The following ABHD13 variants were observed in gnomAD, a reference collection of about 807,000 sequenced individuals.
The protein encoded by ABHD13 is protein ABHD13.
ABHD13 carries 7 observed loss-of-function variants against 25.2 expected under a neutral mutation model. The ratio of observed to expected loss-of-function variants is 0.28; its 90% confidence interval spans 0.16 to 0.52. The LOEUF is 0.52. Ranked by LOEUF, ABHD13 falls within the 20% of genes least tolerant of loss-of-function variation. ABHD13 has a pLI of 0.96. For synonymous variants in ABHD13, 133 were observed against 136.1 expected (o/e 0.98, Z 0.16); for missense variants, 302 against 402.7 (o/e 0.75, Z 2.14).
At chr13:108,228,608 A>G (rs756999526) in intron 1 of ABHD13, among the ~76,000 whole-genome samples, 10 of 149,488 alleles carry the variant, frequency 6.7e-5, no homozygotes, top group South Asian at 2.1e-4. Context: ...TTTTTGTTTT[A>G]TTTTGTTTTG....
Position 108,229,740 on chromosome 13 carries a change from C to T in ABHD13, c.522C>T (p.Asp174=), listed in dbSNP as rs1879755059. Residue 174 remains aspartate (D), a synonymous_variant, in exon 2 of 2, where the codon GAC becomes GAT. Coordinates refer to ENST00000375898, the MANE Select transcript of ABHD13 (RefSeq NM_032859.3). This position sits in a 1 kb window ranked among gnomAD's most constrained non-coding sequence, Gnocchi z 4.7. ...GLYLDSEAVL[D]YVMTRPDLDK... is the part of the protein sequence containing the mutation. ...ACTTAGATTCTGAAGCTGTGTTAGA[C>T]TACGTGATGACTAGACCTGACCTTG... The T allele has an allele frequency of 2.5e-6, 4 of 1,613,372 alleles. No individual in the cohort carries two copies. The highest frequency in any genetic ancestry group is 2.2e-5 in the East Asian group (1 of 44,860).
Position 108,233,756 on chromosome 13 carries a change from G to A in ABHD13, c.*3524G>A, listed in dbSNP as rs1594495632. 1 of 166,652 alleles carries A rather than the reference G, an allele frequency of 6.0e-6. No individual in the cohort carries two copies. The highest frequency in any genetic ancestry group is 2.4e-5 in the African/African-American group (1 of 41,352). The allele number at this position is 166,652 out of a possible 1,614,324, so 10.3% of individuals were successfully genotyped here. On this transcript the variant is annotated 3_prime_UTR_variant, in exon 2 of 2. Coordinates refer to ENST00000375898, the MANE Select transcript of ABHD13 (RefSeq NM_032859.3). Reference sequence around the variant, plus strand: ...CAAATTGGAAATAATATATTCATTTGTATGGCAAGATAAATGCAGTCATCT... The same window carrying A: ...CAAATTGGAAATAATATATTCATTTATATGGCAAGATAAATGCAGTCATCT...
intron 1 of ABHD13, among the ~76,000 whole-genome samples, chr13:108,223,948 G>A (rs186695265): frequency 6.6e-6 from 1 of 152,288 alleles, no homozygotes; most frequent in Admixed American, 6.5e-5. Flanking sequence ...AAAAATAAGT[G>A]TCACAGACAG....
rs1306766977 is a variant in ABHD13, at chr13:108,230,356, A to T, written c.*124A>T. 2 of 781,814 alleles carry T rather than the reference A, an allele frequency of 2.6e-6. No individual in the cohort carries two copies. The highest frequency in any genetic ancestry group is 3.3e-5 in the Admixed American group (1 of 30,280). The allele number at this position is 781,814 out of a possible 1,614,324, so 48.4% of individuals were successfully genotyped here. A position where few individuals can be genotyped will look rare whatever the true frequency, so the allele number is the denominator to read the frequency against. On this transcript the variant is annotated 3_prime_UTR_variant, in exon 2 of 2. Coordinates refer to ENST00000375898, the MANE Select transcript of ABHD13 (RefSeq NM_032859.3). ...TGACATTAAACTTTGAAAGGACTTC[A>T]CTGCTCCTTTACGATATTCCAAATA...
Position 108,230,285 on chromosome 13 carries a change from G to C in ABHD13, c.*53G>C. The C allele has an allele frequency of 7.0e-7, 1 of 1,419,484 alleles. No homozygotes were observed. Among genetic ancestry groups the C allele is most frequent in the South Asian group, 1.4e-5 (1 of 68,996 alleles). 87.9% of individuals were successfully genotyped at this position (1,419,484 alleles called of 1,614,324 possible). A position where few individuals can be genotyped will look rare whatever the true frequency, so the allele number is the denominator to read the frequency against. ...ATTTTAATTTGTGCAGAATGATAAA[G>C]AATGTTCCTTTTAGAAGTGTGTTAT... On this transcript the variant is annotated 3_prime_UTR_variant, in exon 2 of 2. Coordinates refer to ENST00000375898, the MANE Select transcript of ABHD13 (RefSeq NM_032859.3).
chr13:108,224,810 A>G (rs1203956856), intron 1 of ABHD13, among the ~76,000 whole-genome samples: 3 of 152,220 alleles, frequency 2.0e-5, no homozygotes, highest in African/African-American at 4.8e-5. Context: ...AATCCTCAAG[A>G]TGAGCACCAT....
At chr13:108,226,917 T>C (rs1209984658) in intron 1 of ABHD13, among the ~76,000 whole-genome samples, 1 of 152,066 alleles carries the variant, frequency 6.6e-6, no homozygotes, top group Non-Finnish European at 1.5e-5. Context: ...AATCCGTGAG[T>C]GGAGTTCTTA....
intron 1 of ABHD13, among the ~76,000 whole-genome samples, chr13:108,225,819 T>C (rs557380292): frequency 6.6e-6 from 1 of 152,312 alleles, no homozygotes; most frequent in Non-Finnish European, 1.5e-5. Context: ...AGTTATTGAT[T>C]ATCTACATTT....
In ABHD13 at chr13:108,233,937, A is replaced by G. The variant is rs1879866950; in HGVS notation, c.*3705A>G. 1 of 166,844 alleles carries G rather than the reference A, an allele frequency of 6.0e-6. No homozygotes were observed. Among genetic ancestry groups the G allele is most frequent in the African/African-American group, 2.4e-5 (1 of 41,452 alleles). 10.3% of individuals were successfully genotyped at this position (166,844 alleles called of 1,614,324 possible). A position where few individuals can be genotyped will look rare whatever the true frequency, so the allele number is the denominator to read the frequency against. On this transcript the variant is annotated 3_prime_UTR_variant, in exon 2 of 2. Coordinates refer to ENST00000375898, the MANE Select transcript of ABHD13 (RefSeq NM_032859.3). ...TGTAACAGGTGAGTGTGTGTTTAAC[A>G]TAATTTATAATTATTTCTGTCAGTA...
intron 1 of ABHD13, among the ~76,000 whole-genome samples, chr13:108,224,307 A>G (rs943515802): frequency 6.6e-6 from 1 of 152,174 alleles, no homozygotes; most frequent in Admixed American, 6.5e-5. Flanking sequence ...CAAGGACTGT[A>G]TAGTATACTA....
rs1879780697 is a variant in ABHD13, at chr13:108,230,501, A to G, written c.*269A>G. The G allele has an allele frequency of 7.4e-6, 2 of 270,854 alleles. No homozygotes were observed. The highest frequency in any genetic ancestry group is 4.5e-5 in the African/African-American group (2 of 44,462). The allele number at this position is 270,854 out of a possible 1,614,324, so 16.8% of individuals were successfully genotyped here. On this transcript the variant is annotated 3_prime_UTR_variant, in exon 2 of 2. Transcript: ENST00000375898. ...ATGTCAGTATAATAGATATTGTTCAAAAGTTTCTTGTTGCTAAAGTGGTGT... is the reference window on the plus strand; with the variant it reads ...ATGTCAGTATAATAGATATTGTTCAGAAGTTTCTTGTTGCTAAAGTGGTGT...
At chr13:108,219,100 C>G (rs1305091766) in intron 1 of ABHD13, among the ~76,000 whole-genome samples, 2 of 151,994 alleles carry the variant, frequency 1.3e-5, no homozygotes, top group Non-Finnish European at 2.9e-5. Context: ...CCCACACAGA[C>G]ATGAAAAGTA....
Position 108,230,451 on chromosome 13 carries a change from T to A in ABHD13, c.*219T>A, listed in dbSNP as rs1315386069. ...TTTTCATCAAAACTTTCAGTGTGAT[T>A]ATGTATTCATATCTTCAGTTTAATA... is the stretch of plus-strand genomic sequence containing the variant. On this transcript the variant is annotated 3_prime_UTR_variant, in exon 2 of 2. Transcript: ENST00000375898. 2.1e-6 allele frequency: 1 copy of A among 471,260 alleles called. No homozygotes were observed. 29.2% of individuals were successfully genotyped at this position (471,260 alleles called of 1,614,324 possible). A position where few individuals can be genotyped will look rare whatever the true frequency, so the allele number is the denominator to read the frequency against.
chr13:108,229,829 C>T lies in ABHD13; in HGVS notation c.611C>T (p.Ser204Phe). The change falls in exon 2 of 2, where the codon TCT (serine) becomes TTT (phenylalanine). Residue 204 changes from serine (S) to phenylalanine (F), a missense_variant. Physicochemically the swap from Ser to Phe is radical, Grantham distance 155 (BLOSUM62 -2). Transcript: ENST00000375898. The surrounding 1 kb of genome is among the most constrained non-coding windows in gnomAD (Gnocchi z 4.7). ...GGAGCAGTGGCTATTCATTTGGCTT[C>T]TGAAAATTCACATAGGATTTCAGCC... is the stretch of plus-strand genomic sequence containing the variant. ...LGGAVAIHLA[S>F]ENSHRISAIM... is the part of the protein sequence containing the mutation. 6.2e-7 allele frequency: 1 copy of T among 1,613,434 alleles called. No homozygotes were observed. The highest frequency in any genetic ancestry group is 8.5e-7 in the Non-Finnish European group (1 of 1,179,500).
intron 1 of ABHD13, among the ~76,000 whole-genome samples, chr13:108,227,968 A>C (rs1339307412): frequency 6.6e-6 from 1 of 152,102 alleles, no homozygotes; most frequent in African/African-American, 2.4e-5. Context: ...AATAGAAAAA[A>C]ATCAAATTTG....
chr13:108,233,050 G>T lies in ABHD13; in HGVS notation c.*2818G>T, dbSNP rs9670655. On this transcript the variant is annotated 3_prime_UTR_variant, in exon 2 of 2. Coordinates refer to ENST00000375898, the MANE Select transcript of ABHD13 (RefSeq NM_032859.3). ...GAGCACTTGCCATTGCAACAACCCT[G>T]TTTTTGCAATTAGGTTTTTGACTGT... is the stretch of plus-strand genomic sequence containing the variant. The T allele has an allele frequency of 0.021, 3,578 of 166,834 alleles. 98 individuals are homozygous for T. Among genetic ancestry groups the T allele is most frequent in the African/African-American group, 0.065 (2,678 of 41,492 alleles). 10.3% of individuals were successfully genotyped at this position (166,834 alleles called of 1,614,324 possible).
chr13:108,219,141 G>C (rs12428136), intron 1 of ABHD13, among the ~76,000 whole-genome samples: 1 of 152,052 alleles, frequency 6.6e-6, no homozygotes, highest in Non-Finnish European at 1.5e-5. Context: ...CTAGGTTGGA[G>C]AGAGGGAGAG....
intron 1 of ABHD13, among the ~76,000 whole-genome samples, chr13:108,228,515 G>A (rs1879719707): frequency 6.6e-6 from 1 of 151,636 alleles, no homozygotes; most frequent in Non-Finnish European, 1.5e-5. Context: ...AGAATCTAGT[G>A]TTTAAGCAAA....
chr13:108,224,859 T>C (rs768641740), intron 1 of ABHD13, among the ~76,000 whole-genome samples: 5 of 152,338 alleles, frequency 3.3e-5, no homozygotes, highest in Non-Finnish European at 7.4e-5. Flanking sequence ...ACTTATGTAG[T>C]ATAGCAGGAT....
Sources: gnomAD v4.1 joint callset for allele counts (sites outside exome capture counted in the v4.1 genomes callset) on GRCh38, gnomAD v4.1.1 for gene constraint, Gnocchi (gnomAD v3.1) non-coding constraint, MANE v1.5 for transcripts, NCBI Gene and HGNC (gene_info 2026-07-23, HGNC 2026-07-21) for gene names.